The following THSD7A variants were observed in gnomAD, a reference collection of about 807,000 sequenced individuals.
THSD7A encodes thrombospondin type-1 domain-containing protein 7A.
A neutral mutation model predicts 231.3 loss-of-function variants in THSD7A; 96 were observed. That is an observed-to-expected ratio of 0.41 (90% confidence interval 0.35 to 0.49). The LOEUF (loss-of-function observed/expected upper bound fraction) is 0.49, where lower values mean the gene tolerates loss of function less well. THSD7A is among the 20% of genes least tolerant of loss of function. The pLI is 0.05. For synonymous variants in THSD7A, 940 were observed against 743.3 expected, an observed-to-expected ratio of 1.26 and a Z score of -4.30; for missense variants, 2,290 against 2,070.2, an observed-to-expected ratio of 1.11 and a Z score of -2.06.
intron 1 of THSD7A, among the ~76,000 whole-genome samples, chr7:11,811,175 TTTGA>T (rs1438321645): frequency 3.3e-5 from 5 of 152,170 alleles, no homozygotes; most frequent in Admixed American, 1.3e-4. Flanking sequence ...TTAACCAGAC[TTTGA>T]TTAAGAAAAC....
At position 11,694,419 on chromosome 7, in the gene THSD7A, C is replaced by T. The variant is rs866509995; in HGVS notation, c.191-57458G>A. Among the ~76,000 whole-genome samples, 8 of 151,612 alleles carry T rather than the reference C, an allele frequency of 5.3e-5. No individual in the cohort carries two copies. The South Asian group carries it at 1.7e-3, about 31-fold the overall frequency. ...TTTTATTCCTGTTACATGTCAGCCACTAAAATCCAAGTGCTATTCTATCTC... is the reference window on the plus strand; with the variant it reads ...TTTTATTCCTGTTACATGTCAGCCATTAAAATCCAAGTGCTATTCTATCTC... On this transcript the variant is annotated intron_variant, in intron 1 of 27. Transcript: ENST00000423059.
chr7:11,642,704 A>C (rs534561894), intron 1 of THSD7A, among the ~76,000 whole-genome samples: 2 of 152,278 alleles, frequency 1.3e-5, no homozygotes, highest in African/African-American at 2.4e-5. Context: ...AAAAACTTTA[A>C]ATGAATGCTA....
chr7:11,775,984 G>T (rs2128172995), intron 1 of THSD7A, among the ~76,000 whole-genome samples: 1 of 152,174 alleles, frequency 6.6e-6, no homozygotes, highest in South Asian at 2.1e-4. Flanking sequence ...TAATTATAAA[G>T]ATACATTTTG....
chr7:11,649,971 A>T (rs952641772), intron 1 of THSD7A, among the ~76,000 whole-genome samples: 2 of 152,090 alleles, frequency 1.3e-5, no homozygotes, highest in African/African-American at 4.8e-5. Flanking sequence ...CAAACGGCAG[A>T]AGTGTTAATT....
intron 4 of THSD7A, among the ~76,000 whole-genome samples, chr7:11,557,748 G>T (rs1789908535): frequency 6.6e-6 from 1 of 152,086 alleles, no homozygotes. Context: ...GTGTGTACTG[G>T]TTGCCTAATT....
intron 6 of THSD7A, among the ~76,000 whole-genome samples, chr7:11,513,341 G>A: frequency 9.1e-6 from 1 of 110,026 alleles, no homozygotes. Flanking sequence ...ATAAAAAATA[G>A]CAAACTTTTC....
At chr7:11,658,743 G>A (rs572133044) in intron 1 of THSD7A, among the ~76,000 whole-genome samples, 3 of 151,702 alleles carry the variant, frequency 2.0e-5, no homozygotes, top group South Asian at 2.1e-4. Context: ...GATTTCTTGC[G>A]GTTTTCATGA....
chr7:11,755,465 G>C (rs1782641597), intron 1 of THSD7A, among the ~76,000 whole-genome samples: 1 of 152,096 alleles, frequency 6.6e-6, no homozygotes. Context: ...TAAATGGGGA[G>C]AAATGCTTAT....
chr7:11,406,470 G>A lies in THSD7A; in HGVS notation c.4067C>T (p.Ala1356Val), dbSNP rs778209809. The A allele has an allele frequency of 1.9e-6, 3 of 1,606,530 alleles. No individual in the cohort carries two copies. The highest frequency in any genetic ancestry group is 2.7e-5 in the African/African-American group (2 of 74,444). The change falls in exon 22 of 28, where the codon GCC (alanine) becomes GTC (valine). Residue 1356 changes from alanine to valine, a missense_variant. Ala to Val is a moderately conservative substitution (Grantham distance 64, BLOSUM62 0). Coordinates refer to ENST00000423059, the MANE Select transcript of THSD7A (RefSeq NM_015204.3). The surrounding 1 kb of genome is among the most constrained non-coding windows in gnomAD (Gnocchi z 4.7). ...GQWSPCQVQE[A>V]QCGEGTRTRN... ...TGTTCTGGTCCCTTCTCCACACTGG[G>A]CCTCCTGGAATGGAGGAAGAAATAA...
intron 6 of THSD7A, among the ~76,000 whole-genome samples, chr7:11,517,968 T>C (rs1403491134): frequency 6.6e-6 from 1 of 152,122 alleles, no homozygotes; most frequent in Non-Finnish European, 1.5e-5. Context: ...CATTGTCTGC[T>C]CAGGAGATAG....
chr7:11,611,169 TC>T (rs1373932120), intron 2 of THSD7A, among the ~76,000 whole-genome samples: 3 of 152,178 alleles, frequency 2.0e-5, no homozygotes, highest in Non-Finnish European at 4.4e-5. Context: ...AATACAGTTT[TC>T]TTTTATATAT....
chr7:11,818,029 G>A (rs186376895), intron 1 of THSD7A, among the ~76,000 whole-genome samples: 2 of 152,110 alleles, frequency 1.3e-5, no homozygotes, highest in South Asian at 4.1e-4. Context: ...AACGTTTATA[G>A]TCACACTCTG....
intron 2 of THSD7A, among the ~76,000 whole-genome samples, chr7:11,609,618 C>T (rs899697169): frequency 3.9e-5 from 6 of 151,986 alleles, no homozygotes; most frequent in Admixed American, 3.3e-4. Context: ...AAATGAGATA[C>T]GGAAGAACTG....
intron 6 of THSD7A, among the ~76,000 whole-genome samples, chr7:11,496,914 A>G (rs183168856): frequency 6.6e-6 from 1 of 152,248 alleles, no homozygotes; most frequent in African/African-American, 2.4e-5. Context: ...TTATTAGAGC[A>G]GACAATATAG....
chr7:11,706,916 G>A (rs963633222), intron 1 of THSD7A, among the ~76,000 whole-genome samples: 6 of 150,156 alleles, frequency 4.0e-5, no homozygotes, highest in Non-Finnish European at 9.0e-5. Flanking sequence ...TCTGATTCAG[G>A]GTTTTTCAGC....
chr7:11,526,826 T>C (rs563345155), intron 6 of THSD7A, among the ~76,000 whole-genome samples: 1 of 152,290 alleles, frequency 6.6e-6, no homozygotes, highest in South Asian at 2.1e-4. Context: ...TCTCAGATAG[T>C]ATCTTTACAG....
At chr7:11,635,948 GT>G (rs1347330593) in intron 2 of THSD7A, among the ~76,000 whole-genome samples, 181 bp downstream of exon 2, 1 of 151,978 alleles carries the variant, frequency 6.6e-6, no homozygotes, top group African/African-American at 2.4e-5. Flanking sequence ...GGGCCTAAAT[GT>G]GGACACAATA....
intron 6 of THSD7A, among the ~76,000 whole-genome samples, chr7:11,492,265 G>A (rs1786925446): frequency 6.6e-6 from 1 of 151,862 alleles, no homozygotes; most frequent in Admixed American, 6.6e-5. Context: ...ACTTCAATTT[G>A]TAAATTTTCT....
chr7:11,405,433 A>T (rs1239311707), intron 22 of THSD7A, among the ~76,000 whole-genome samples: 3 of 152,166 alleles, frequency 2.0e-5, no homozygotes, highest in African/African-American at 7.2e-5. Flanking sequence ...TTATAAGCAA[A>T]TTGGGAGAAT....
Sources: gnomAD v4.1 joint callset for allele counts (sites outside exome capture counted in the v4.1 genomes callset) on GRCh38, gnomAD v4.1.1 for gene constraint, Gnocchi (gnomAD v3.1) non-coding constraint, MANE v1.5 for transcripts, NCBI Gene and HGNC (gene_info 2026-07-23, HGNC 2026-07-21) for gene names.